The following KCND2 variants were observed in gnomAD, a reference collection of about 807,000 sequenced individuals.
KCND2 encodes the protein A-type voltage-gated potassium channel KCND2.
A neutral mutation model predicts 54.4 loss-of-function variants in KCND2; 16 were observed. The observed-to-expected ratio is 0.29, with a 90% CI of 0.20 to 0.45. The LOEUF (loss-of-function observed/expected upper bound fraction) is 0.45. KCND2 is among the 20% of genes least tolerant of loss of function. The pLI is 1.00. For missense variants in KCND2, 486 were observed against 824.2 expected, an observed-to-expected ratio of 0.59 and a Z score of 5.02; for synonymous variants, 317 against 310.7, an observed-to-expected ratio of 1.02 and a Z score of -0.21.
intron 1 of KCND2, among the ~76,000 whole-genome samples, chr7:120,352,349 AATACATACATATGTATGTAT>A (rs1305026237): frequency 1.8e-4 from 28 of 151,820 alleles, no homozygotes; most frequent in African/African-American, 6.1e-4. Flanking sequence ...ATTTTTCCCA[AATACATACATATGTATGTAT>A]ATACATACAT....
chr7:120,301,297 A>G (rs1170561996), intron 1 of KCND2, among the ~76,000 whole-genome samples: 1 of 152,150 alleles, frequency 6.6e-6, no homozygotes, highest in Non-Finnish European at 1.5e-5. Context: ...ATCATGGGAA[A>G]TCTGCTTAGC....
chr7:120,514,955 G>T (rs2116337437), intron 1 of KCND2, among the ~76,000 whole-genome samples: 1 of 152,128 alleles, frequency 6.6e-6, no homozygotes, highest in South Asian at 2.1e-4. Context: ...TACCGTAAAT[G>T]AGTTATTAAG....
intron 1 of KCND2, among the ~76,000 whole-genome samples, chr7:120,677,452 G>C (rs1366778421): frequency 1.3e-5 from 2 of 151,742 alleles, no homozygotes; most frequent in Admixed American, 6.6e-5. Flanking sequence ...TTGTGAAATA[G>C]TTGAGGATAG....
chr7:120,295,832 C>T (rs1050643510), intron 1 of KCND2, among the ~76,000 whole-genome samples: 1 of 151,796 alleles, frequency 6.6e-6, no homozygotes, highest in Non-Finnish European at 1.5e-5. Context: ...GTAGGGGAAG[C>T]TGAGATTCAA....
Position 120,317,418 on chromosome 7 carries a change from G to T in KCND2, c.1115+41671G>T, listed in dbSNP as rs181923469. ...ATCATACCTAACTCATGTCAATTGT[G>T]TCTTTAATTATTAATTGTGTCTTTA... is the stretch of plus-strand genomic sequence containing the variant. On this transcript the variant is annotated intron_variant, in intron 1 of 5. Coordinates refer to ENST00000331113, the MANE Select transcript of KCND2 (RefSeq NM_012281.3). Among the ~76,000 whole-genome samples the T allele has an allele frequency of 4.5e-3, 682 of 152,130 alleles. 4 individuals are homozygous for T. The highest frequency in any genetic ancestry group is 8.3e-3 in the Admixed American group (127 of 15,264).
intron 4 of KCND2, among the ~76,000 whole-genome samples, chr7:120,744,014 C>T (rs932253376): frequency 6.6e-6 from 1 of 152,166 alleles, no homozygotes; most frequent in Non-Finnish European, 1.5e-5. Context: ...AATCCCAGCA[C>T]TTTGGAAGGC....
rs34803439 is a variant in KCND2, at chr7:120,701,240, TAAAAAAAAAAAAAAAAAA to T, written c.1116-31644_1116-31627del. Among the ~76,000 whole-genome samples the T allele has an allele frequency of 2.8e-3, 156 of 55,142 alleles. 3 individuals are homozygous for T. The highest frequency in any genetic ancestry group is 0.012 in the South Asian group (14 of 1,204). The allele number at this position is 55,142 out of a possible 152,430, so 36.2% of individuals were successfully genotyped here. A position where few individuals can be genotyped will look rare whatever the true frequency, so the allele number is the denominator to read the frequency against. On this transcript the variant is annotated intron_variant, in intron 1 of 5. Coordinates refer to ENST00000331113, the MANE Select transcript of KCND2 (RefSeq NM_012281.3). Reference sequence around the variant, plus strand: ...TAGTTGAATGGCTGTAATGCCTAGCTAAAAAAAAAAAAAAAAAAAAAAAAAAAAAAAAAAAATTAGAAT... The same window carrying T: ...TAGTTGAATGGCTGTAATGCCTAGCTAAAAAAAAAAAAAAAAAATTAGAAT...
chr7:120,747,547 C>A (rs1793022067), intron 5 of KCND2, 134 bp from the exon 6 acceptor site: 1 of 652,866 alleles, frequency 1.5e-6, no homozygotes, highest in African/African-American at 1.8e-5. Flanking sequence ...TTTGGTGTTT[C>A]ATATTTTTAA....
At chr7:120,734,922 A>G (rs1240725424) in intron 2 of KCND2, among the ~76,000 whole-genome samples, 3 of 152,068 alleles carry the variant, frequency 2.0e-5, no homozygotes, top group African/African-American at 7.2e-5. Context: ...CCTCTTAAGT[A>G]AAGTATACAA....
intron 1 of KCND2, among the ~76,000 whole-genome samples, chr7:120,535,925 C>A (rs1431633968): frequency 6.6e-6 from 1 of 151,966 alleles, no homozygotes; most frequent in African/African-American, 2.4e-5. Context: ...TAGGCAGCTG[C>A]AAGATAATTA....
chr7:120,319,168 T>C (rs1799856291), intron 1 of KCND2, among the ~76,000 whole-genome samples: 2 of 152,004 alleles, frequency 1.3e-5, no homozygotes, highest in African/African-American at 4.8e-5. Flanking sequence ...GAGATGACTC[T>C]ATTATCTTTC....
chr7:120,596,720 C>T (rs377124081), intron 1 of KCND2, among the ~76,000 whole-genome samples: 2 of 115,284 alleles, frequency 1.7e-5, no homozygotes, highest in African/African-American at 5.4e-5. Context: ...CATCCTGTTA[C>T]GGTTACCATA....
At chr7:120,493,535 A>C (rs1469165940) in intron 1 of KCND2, among the ~76,000 whole-genome samples, 1 of 152,130 alleles carries the variant, frequency 6.6e-6, no homozygotes. Context: ...AGAAAAAAAC[A>C]ACCAAATAGA....
At chr7:120,443,699 G>A (rs11767599) in intron 1 of KCND2, among the ~76,000 whole-genome samples, 48,872 of 150,316 alleles carry the variant, frequency 0.33, 10,894 homozygotes, top group African/African-American at 0.62. Context: ...TTTTTTCTGC[G>A]TGGCATTTGA....
rs549620937 is a variant in KCND2, at chr7:120,723,587, G to A, written c.1116-9316G>A. On this transcript the variant is annotated intron_variant, in intron 1 of 5. Coordinates refer to ENST00000331113, the MANE Select transcript of KCND2 (RefSeq NM_012281.3). ...TGATGGCCAAGCTGAGCATGGTGGT[G>A]CATGCCTATTGTCCCAGCTACTCTG... 1.1e-3 allele frequency among the ~76,000 whole-genome samples: 175 copies of A among 152,292 alleles called. 3 individuals carry two copies. The highest frequency in any genetic ancestry group is 4.0e-3 in the African/African-American group (165 of 41,572).
chr7:120,316,367 T>G (rs545081722), intron 1 of KCND2, among the ~76,000 whole-genome samples: 4 of 152,352 alleles, frequency 2.6e-5, no homozygotes, highest in African/African-American at 9.6e-5. Context: ...TATCACTGCT[T>G]CTGTAAGCTC....
intron 1 of KCND2, among the ~76,000 whole-genome samples, chr7:120,648,487 C>G (rs1294884063): frequency 6.6e-6 from 1 of 151,860 alleles, no homozygotes; most frequent in Non-Finnish European, 1.5e-5. Flanking sequence ...GGTTAGAAAA[C>G]AAGAGTACAG....
chr7:120,570,345 C>T (rs1389399421), intron 1 of KCND2, among the ~76,000 whole-genome samples: 1 of 151,682 alleles, frequency 6.6e-6, no homozygotes, highest in African/African-American at 2.4e-5. Context: ...AAGCTACAAC[C>T]CAGATTTTAC....
intron 1 of KCND2, among the ~76,000 whole-genome samples, chr7:120,687,324 A>G (rs924059953): frequency 1.3e-5 from 2 of 152,184 alleles, no homozygotes; most frequent in Non-Finnish European, 2.9e-5. Flanking sequence ...ACTTTCAGTT[A>G]TGGTAGATTA....
Sources: gnomAD v4.1 joint callset for allele counts (sites outside exome capture counted in the v4.1 genomes callset) on GRCh38, gnomAD v4.1.1 for gene constraint, MANE v1.5 for transcripts, NCBI Gene and HGNC (gene_info 2026-07-23, HGNC 2026-07-21) for gene names.